The following RNF216 variants were observed in gnomAD, a reference collection of about 807,000 sequenced individuals.
RNF216 encodes the protein E3 ubiquitin-protein ligase RNF216.
In RNF216, 72 loss-of-function variants were observed where a neutral mutation model predicts 110.8. That is an observed-to-expected ratio of 0.65 (90% confidence interval 0.54 to 0.79). RNF216 has a LOEUF of 0.79. RNF216 is among the 30% of genes least tolerant of loss of function. The pLI is 0.00. For synonymous variants in RNF216, 495 were observed against 407.5 expected, an observed-to-expected ratio of 1.21 and a Z score of -2.59; for missense variants, 1,342 against 1,141.2, an observed-to-expected ratio of 1.18 and a Z score of -2.54.
At chr7:5,641,930 G>A (rs1415892904) in intron 14 of RNF216, among the ~76,000 whole-genome samples, 2 of 151,300 alleles carry the variant, frequency 1.3e-5, no homozygotes, top group African/African-American at 4.9e-5. Flanking sequence ...CTACTTGGGA[G>A]GTTGAGGCAG....
chr7:5,763,957 G>A (rs1006449515), intron 1 of RNF216, among the ~76,000 whole-genome samples: 3 of 152,192 alleles, frequency 2.0e-5, no homozygotes, highest in African/African-American at 7.2e-5. Context: ...GGGAGGCCGA[G>A]GCAGGCGGAT....
At chr7:5,769,774 C>A (rs1213841377) in intron 1 of RNF216, among the ~76,000 whole-genome samples, 1 of 149,876 alleles carries the variant, frequency 6.7e-6, no homozygotes, top group South Asian at 2.1e-4. Flanking sequence ...TGGTGACTCA[C>A]GCCTATAATC....
intron 1 of RNF216, among the ~76,000 whole-genome samples, chr7:5,764,445 C>T (rs891554597): frequency 6.6e-6 from 1 of 151,484 alleles, no homozygotes; most frequent in African/African-American, 2.4e-5. Flanking sequence ...GTCAGGAGTT[C>T]GAGACCAGCC....
intron 15 of RNF216, among the ~76,000 whole-genome samples, chr7:5,638,633 ATT>A (rs34089106): frequency 1.1e-4 from 15 of 139,286 alleles, no homozygotes; most frequent in South Asian, 2.3e-4. Flanking sequence ...AAAAGCAAGC[ATT>A]TTTTTTTTTT....
chr7:5,648,643 G>C (rs1402423023), intron 14 of RNF216, among the ~76,000 whole-genome samples: 1 of 151,398 alleles, frequency 6.6e-6, no homozygotes, highest in Non-Finnish European at 1.5e-5. Context: ...CAGGAGAACG[G>C]TGTGAACCTG....
intron 13 of RNF216, among the ~76,000 whole-genome samples, chr7:5,668,560 A>G (rs1789685794): frequency 6.6e-6 from 1 of 152,148 alleles, no homozygotes; most frequent in East Asian, 1.9e-4. Flanking sequence ...CTTGCTAGTG[A>G]AATGTGACAA....
intron 1 of RNF216, chr7:5,779,853 G>A (rs1260205404): frequency 1.3e-5 from 1 of 76,538 alleles, no homozygotes; most frequent in Non-Finnish European, 2.6e-5. Context: ...AATGCTCAAT[G>A]AATGGGCTGG....
At chr7:5,742,464 AT>A (rs1423227602) in intron 3 of RNF216, among the ~76,000 whole-genome samples, 1 of 152,224 alleles carries the variant, frequency 6.6e-6, no homozygotes, top group East Asian at 1.9e-4. Context: ...ATATAAAAAA[AT>A]CTAAATCTCA....
intron 16 of RNF216, 106 bp downstream of exon 16, chr7:5,623,950 C>G: frequency 2.1e-6 from 2 of 932,278 alleles, no homozygotes; most frequent in East Asian, 2.5e-5. Flanking sequence ...ACAGCACCCC[C>G]TCCTCTCCTG....
At chr7:5,643,624 C>T (rs945029457) in intron 14 of RNF216, among the ~76,000 whole-genome samples, 4 of 152,152 alleles carry the variant, frequency 2.6e-5, no homozygotes, top group East Asian at 3.8e-4. Flanking sequence ...GATCTCAGCC[C>T]GTCCCCTTTG....
chr7:5,701,303 T>C (rs1376990823), intron 13 of RNF216, among the ~76,000 whole-genome samples: 1 of 152,204 alleles, frequency 6.6e-6, no homozygotes, highest in Non-Finnish European at 1.5e-5. Context: ...TGGTGAGTGA[T>C]GAGTCATCTT....
At chr7:5,739,908 CAGA>C (rs1423368948) in intron 4 of RNF216, among the ~76,000 whole-genome samples, 2 of 151,102 alleles carry the variant, frequency 1.3e-5, no homozygotes, top group Non-Finnish European at 2.9e-5. Context: ...GAGGCAGAGA[CAGA>C]AGAATCGCTT....
intron 13 of RNF216, among the ~76,000 whole-genome samples, chr7:5,682,011 C>G (rs1428098712): frequency 7.9e-5 from 12 of 152,238 alleles, no homozygotes; most frequent in African/African-American, 2.9e-4. Context: ...CACTCTGGCT[C>G]TGTGTGTGCC....
At chr7:5,711,871 T>C in intron 12 of RNF216, 32 bp from the exon 13 acceptor site, 3 of 1,594,168 alleles carry the variant, frequency 1.9e-6, no homozygotes, top group Non-Finnish European at 2.6e-6. Context: ...TGACATTACT[T>C]CAAACATTAA....
intron 13 of RNF216, among the ~76,000 whole-genome samples, chr7:5,683,498 A>C (rs1411392215): frequency 2.0e-5 from 3 of 152,158 alleles, no homozygotes; most frequent in South Asian, 2.1e-4. Context: ...CTCCATGTGG[A>C]GAGACCAAGG....
At chr7:5,713,020 G>A (rs928260155) in intron 11 of RNF216, among the ~76,000 whole-genome samples, 157 bp from the exon 12 acceptor site, 1 of 152,202 alleles carries the variant, frequency 6.6e-6, no homozygotes, top group African/African-American at 2.4e-5. Flanking sequence ...TGGAAACCAT[G>A]AAACAAAAAT....
chr7:5,663,797 C>T (rs1167970650), intron 13 of RNF216, among the ~76,000 whole-genome samples: 1 of 151,946 alleles, frequency 6.6e-6, no homozygotes, highest in African/African-American at 2.4e-5. Flanking sequence ...ACTCAGGAGG[C>T]TGAGACAGAA....
At chr7:5,676,547 C>T (rs536921935) in intron 13 of RNF216, among the ~76,000 whole-genome samples, 3 of 152,000 alleles carry the variant, frequency 2.0e-5, no homozygotes, top group Non-Finnish European at 2.9e-5. Flanking sequence ...GTCTCCCGTC[C>T]GTCCTGTCTG....
chr7:5,652,334 G>A (rs1412924626), intron 14 of RNF216, 79 bp downstream of exon 14: 1 of 1,018,328 alleles, frequency 9.8e-7, no homozygotes, highest in Admixed American at 1.7e-5. Context: ...TCCGACAACA[G>A]TATGCCCTCT....
Sources: allele counts gnomAD v4.1 joint callset (sites outside exome capture counted in the v4.1 genomes callset), GRCh38; gene constraint gnomAD v4.1.1; transcripts MANE v1.5; gene names NCBI Gene and HGNC (gene_info 2026-07-23, HGNC 2026-07-21).